Variants in KASH5 observed in about 807,000 individuals in gnomAD.
KASH5 encodes protein KASH5.
KASH5 carries 72 observed loss-of-function variants against 84.2 expected under a neutral mutation model. That is an observed-to-expected ratio of 0.85 (90% CI 0.71 to 1.04). KASH5 has a LOEUF of 1.04. KASH5 is among the 50% of genes least tolerant of loss of function. The pLI is 0.00. For missense variants in KASH5, 650 were observed against 701.0 expected, an observed-to-expected ratio of 0.93 and a Z score of 0.82; for synonymous variants, 260 against 279.1, an observed-to-expected ratio of 0.93 and a Z score of 0.68.
intron 9 of KASH5, among the ~76,000 whole-genome samples, chr19:49,404,306 C>T (rs544639299): frequency 1.3e-5 from 2 of 152,356 alleles, no homozygotes; most frequent in East Asian, 3.9e-4. Context: ...TGCATTTCCC[C>T]AGTGACCACC....
chr19:49,403,388 G>T (rs56146446), intron 9 of KASH5, among the ~76,000 whole-genome samples: 123 of 141,702 alleles, frequency 8.7e-4, no homozygotes, highest in Middle Eastern at 3.5e-3. Context: ...AAAAAAAAGG[G>T]GGGGGGCAGC....
In KASH5 at chr19:49,399,857, T is replaced by C. The variant is rs1974305363; in HGVS notation, c.798+350T>C. ...CTTCAACCGAAGGATACTTGCAAAG[T>C]CTTGGGCACAAGGTAGGACACATAG... is the stretch of plus-strand genomic sequence containing the variant. On this transcript the variant is annotated intron_variant, in intron 9 of 19. Coordinates refer to ENST00000447857, the MANE Select transcript of KASH5 (RefSeq NM_144688.5). This position sits in a 1 kb window ranked among gnomAD's most constrained non-coding sequence, Gnocchi z 4.4. The C allele has an allele frequency of 2.7e-6, 1 of 376,840 alleles. No individual in the cohort carries two copies. The highest frequency in any genetic ancestry group is 4.6e-5 in the East Asian group (1 of 21,546). 23.3% of individuals were successfully genotyped at this position (376,840 alleles called of 1,614,324 possible). A position where few individuals can be genotyped will look rare whatever the true frequency, so the allele number is the denominator to read the frequency against.
rs554183872 is a variant in KASH5, at chr19:49,399,781, C to T, written c.798+274C>T. 5 of 786,820 alleles carry T rather than the reference C, an allele frequency of 6.4e-6. No individual in the cohort carries two copies. The South Asian group carries it at 1.1e-4, about 17-fold the overall frequency. 48.7% of individuals were successfully genotyped at this position (786,820 alleles called of 1,614,324 possible). On this transcript the variant is annotated intron_variant, in intron 9 of 19. Transcript: ENST00000447857. This position sits in a 1 kb window ranked among gnomAD's most constrained non-coding sequence, Gnocchi z 4.4. The stretch of plus-strand genomic sequence containing the variant: ...CCTTCTCTGTGCCTCAGTTGCCTCA[C>T]CTATAAAGATGAACAAAACAATGGC...
At chr19:49,406,753 A>T in intron 9 of KASH5, 133 bp from the exon 10 acceptor site, 1 of 761,470 alleles carries the variant, frequency 1.3e-6, no homozygotes, top group Non-Finnish European at 2.2e-6. Context: ...TGGAGGAATT[A>T]AATGGGTTAA....
chr19:49,414,773 G>A lies in KASH5; in HGVS notation c.1329-178G>A, dbSNP rs897571627. 1.2e-3 allele frequency among the ~76,000 whole-genome samples: 163 copies of A among 132,770 alleles called. No individual in the cohort carries two copies. The highest frequency in any genetic ancestry group is 4.5e-3 in the African/African-American group (141 of 30,992). 87.1% of individuals were successfully genotyped at this position (132,770 alleles called of 152,430 possible). ...GTGCTGCCTGGCCTCCCCCAGGCCC[G>A]TCCGTGCTGCCTGGCCTCCCCCAGG... On this transcript the variant is annotated intron_variant, in intron 16 of 19. Coordinates refer to ENST00000447857, the MANE Select transcript of KASH5 (RefSeq NM_144688.5). The surrounding 1 kb of genome is among the most constrained non-coding windows in gnomAD (Gnocchi z 4.5).
rs767642977 is a variant in KASH5, at chr19:49,413,516, C to G, written c.1328+490C>G. ...GTTTCCTGTGTTGCTTCCCTCTCCC[C>G]CTCCCCTCTTTCAGGCTCCCAGCTG... On this transcript the variant is annotated intron_variant, in intron 16 of 19. Transcript: ENST00000447857. Among the ~76,000 whole-genome samples the G allele has an allele frequency of 3.4e-4, 51 of 152,204 alleles. 1 individual carries two copies. The highest frequency in any genetic ancestry group is 6.3e-4 in the Non-Finnish European group (43 of 68,040).
At position 49,397,721 on chromosome 19, in the gene KASH5, C is replaced by T. The variant is rs371826313; in HGVS notation, c.467+4C>T. On this transcript the variant is annotated splice_donor_region_variant and intron_variant, in intron 6 of 19. Transcript: ENST00000447857. Reference sequence around the variant, plus strand: ...GCGAAGACCCCAGACCCGAGCTGTACCTATCCTCACACCCCTCCCTGACCC... The same window carrying T: ...GCGAAGACCCCAGACCCGAGCTGTATCTATCCTCACACCCCTCCCTGACCC... The T allele has an allele frequency of 1.1e-4, 170 of 1,613,360 alleles. 2 individuals carry two copies. The Middle Eastern group carries it at 1.2e-3, about 11-fold the overall frequency.
chr19:49,412,802 G>T lies in KASH5; in HGVS notation c.1270-166G>T, dbSNP rs1403330546. ...GGGCCATCCTCATGTAGGGCAGCAC[G>T]AGAGGAGGGCAGGTTGTAGAAGGTG... On this transcript the variant is annotated intron_variant, in intron 15 of 19. Transcript: ENST00000447857. The surrounding 1 kb of genome is among the most constrained non-coding windows in gnomAD (Gnocchi z 4.6). 6.6e-6 allele frequency among the ~76,000 whole-genome samples: 1 copy of T among 152,212 alleles called. No homozygotes were observed. The highest frequency in any genetic ancestry group is 1.5e-5 in the Non-Finnish European group (1 of 68,036).
chr19:49,397,886 A>G (rs1447552163), intron 6 of KASH5, 96 bp from the exon 7 acceptor site: 2 of 1,486,072 alleles, frequency 1.3e-6, no homozygotes, highest in Non-Finnish European at 1.8e-6. Flanking sequence ...TCTTTCCCCA[A>G]AAGAGCCACA....
At chr19:49,405,005 A>C (rs1974478840) in intron 9 of KASH5, among the ~76,000 whole-genome samples, 2 of 152,218 alleles carry the variant, frequency 1.3e-5, no homozygotes, top group Non-Finnish European at 2.9e-5. Context: ...TTTCTTCCAC[A>C]GAATGAGGGC....
At position 49,399,833 on chromosome 19, in the gene KASH5, T is replaced by C; in HGVS notation, c.798+326T>C. On this transcript the variant is annotated intron_variant, in intron 9 of 19. Transcript: ENST00000447857. The surrounding 1 kb of genome is among the most constrained non-coding windows in gnomAD (Gnocchi z 4.4). ...TCTGCCTCAGTGGTTTGTGTGAGAC[T>C]TCAACCGAAGGATACTTGCAAAGTC... is the stretch of plus-strand genomic sequence containing the variant. The C allele has an allele frequency of 2.2e-6, 1 of 447,528 alleles. No individual in the cohort carries two copies. The highest frequency in any genetic ancestry group is 3.9e-6 in the Non-Finnish European group (1 of 259,064). 27.7% of individuals were successfully genotyped at this position (447,528 alleles called of 1,614,324 possible). A position where few individuals can be genotyped will look rare whatever the true frequency, so the allele number is the denominator to read the frequency against.
chr19:49,405,895 G>A (rs1428065374), intron 9 of KASH5, among the ~76,000 whole-genome samples: 1 of 149,530 alleles, frequency 6.7e-6, no homozygotes, highest in African/African-American at 2.5e-5. Flanking sequence ...GGCAGAGGTT[G>A]CAGTGAACCA....
rs1973871869 is a variant in KASH5 at position 49,388,266 on chromosome 19, C to G, written c.-157C>G. On this transcript the variant is annotated 5_prime_UTR_variant, in exon 1 of 20. Transcript: ENST00000447857. ...AAAAGCTCACGCGCACCTCCCCCAA[C>G]TCAACTGCCGTTCGTCGTTCGTGGA... is the stretch of plus-strand genomic sequence containing the variant. The G allele has an allele frequency of 6.6e-6, 1 of 152,276 alleles. No individual in the cohort carries two copies. The highest frequency in any genetic ancestry group is 2.4e-5 in the African/African-American group (1 of 41,464). The allele number at this position is 152,276 out of a possible 1,614,324, so 9.4% of individuals were successfully genotyped here.
At chr19:49,402,159 T>C (rs1974381694) in intron 9 of KASH5, among the ~76,000 whole-genome samples, 1 of 151,668 alleles carries the variant, frequency 6.6e-6, no homozygotes, top group Non-Finnish European at 1.5e-5. Context: ...GGAGAATCGC[T>C]TGAACCCAGG....
chr19:49,404,251 G>A (rs1974456380), intron 9 of KASH5, among the ~76,000 whole-genome samples: 1 of 152,172 alleles, frequency 6.6e-6, no homozygotes, highest in Non-Finnish European at 1.5e-5. Context: ...GCCAAGAGGA[G>A]GGGCGTGGTG....
intron 1 of KASH5, among the ~76,000 whole-genome samples, chr19:49,388,692 CAAA>C (rs947198504): frequency 2.3e-5 from 2 of 88,198 alleles, no homozygotes; most frequent in Non-Finnish European, 4.9e-5. Context: ...GACTCCGTCT[CAAA>C]AAAAAAAAAA....
chr19:49,415,431 C>A (rs993917678), intron 17 of KASH5: 1 of 258,868 alleles, frequency 3.9e-6, no homozygotes, highest in Non-Finnish European at 7.5e-6. Flanking sequence ...TTCCTCTGCT[C>A]CTCAGAGCCC....
intron 9 of KASH5, among the ~76,000 whole-genome samples, chr19:49,404,898 AAAT>A (rs779476935): frequency 2.0e-5 from 3 of 152,216 alleles, no homozygotes; most frequent in African/African-American, 4.8e-5. Context: ...AGTTTATAAG[AAAT>A]AATGATAGAG....
intron 11 of KASH5, 107 bp downstream of exon 11, chr19:49,407,403 C>A: frequency 7.8e-7 from 1 of 1,286,454 alleles, no homozygotes; most frequent in Non-Finnish European, 1.1e-6. Flanking sequence ...CTTGGATGTG[C>A]AGCTGGAGAG....
Sources: allele counts gnomAD v4.1 joint callset (sites outside exome capture counted in the v4.1 genomes callset), GRCh38; gene constraint gnomAD v4.1.1; non-coding constraint Gnocchi (gnomAD v3.1); transcripts MANE v1.5; gene names NCBI Gene and HGNC (gene_info 2026-07-23, HGNC 2026-07-21).